The following CWF19L2 variants were observed in gnomAD, a reference collection of about 807,000 sequenced individuals.
CWF19L2 encodes CWF19 like cell cycle control factor 2.
A neutral mutation model predicts 111.7 loss-of-function variants in CWF19L2; 98 were observed. The observed-to-expected ratio is 0.88, with a 90% CI of 0.75 to 1.04. The LOEUF is 1.04. CWF19L2 is among the 50% of genes least tolerant of loss of function. The pLI is 0.00. For missense variants in CWF19L2, 1,101 were observed against 1,051.4 expected (o/e 1.05, Z -0.65); for synonymous variants, 351 against 342.9 (o/e 1.02, Z -0.26).
intron 3 of CWF19L2, among the ~76,000 whole-genome samples, chr11:107,444,477 C>T (rs1478569501): frequency 1.3e-5 from 2 of 152,214 alleles, no homozygotes; most frequent in African/African-American, 2.4e-5. Context: ...ATGAACTCTT[C>T]CTCCTTTGCT....
chr11:107,378,201 C>A (rs1243818832), intron 12 of CWF19L2, among the ~76,000 whole-genome samples: 1 of 149,652 alleles, frequency 6.7e-6, no homozygotes, highest in Non-Finnish European at 1.5e-5. Context: ...TTGTGGAAGT[C>A]AGTGTGGCGA....
At position 107,430,877 on chromosome 11, in the gene CWF19L2, C is replaced by CA. The variant is rs368167042; in HGVS notation, c.781-1427dup. 1.9e-3 allele frequency among the ~76,000 whole-genome samples: 267 copies of CA among 139,668 alleles called. 4 individuals carry two copies. Among genetic ancestry groups the CA allele is most frequent in the Middle Eastern group, 3.7e-3 (1 of 272 alleles). 91.6% of individuals were successfully genotyped at this position (139,668 alleles called of 152,430 possible). A position where few individuals can be genotyped will look rare whatever the true frequency, so the allele number is the denominator to read the frequency against. The stretch of plus-strand genomic sequence containing the variant: ...GAGTAGATTTTAGGTATTTTTACCA[C>CA]AAAAAAAAAAGGAGAATAACTACGT... On this transcript the variant is annotated intron_variant, in intron 7 of 17. Transcript: ENST00000282251.
intron 8 of CWF19L2, among the ~76,000 whole-genome samples, chr11:107,426,094 G>T (rs758171255): frequency 2.6e-5 from 4 of 151,378 alleles, no homozygotes; most frequent in Non-Finnish European, 5.9e-5. Context: ...ATTAAAGAAA[G>T]AATGAAAAAT....
chr11:107,349,350 G>A (rs1430416654), intron 13 of CWF19L2, among the ~76,000 whole-genome samples: 3 of 152,138 alleles, frequency 2.0e-5, no homozygotes, highest in Non-Finnish European at 4.4e-5. Flanking sequence ...AGAGCAGAAT[G>A]AATGACACAA....
intron 10 of CWF19L2, among the ~76,000 whole-genome samples, chr11:107,401,752 TAAAAA>T (rs1238645083): frequency 6.6e-6 from 1 of 151,964 alleles, no homozygotes; most frequent in Non-Finnish European, 1.5e-5. Flanking sequence ...TCATAGAAAC[TAAAAA>T]ATGGCCCACA....
chr11:107,450,139 C>G (rs1180007273), intron 3 of CWF19L2, among the ~76,000 whole-genome samples: 1 of 151,420 alleles, frequency 6.6e-6, no homozygotes, highest in Non-Finnish European at 1.5e-5. Flanking sequence ...TGCAGTGGCT[C>G]ACATTTGTAA....
At chr11:107,338,474 G>A (rs1859959454) in intron 14 of CWF19L2, among the ~76,000 whole-genome samples, 1 of 151,946 alleles carries the variant, frequency 6.6e-6, no homozygotes, top group African/African-American at 2.4e-5. Context: ...AGGTAAACGT[G>A]TGCCATGGTG....
intron 11 of CWF19L2, 151 bp downstream of exon 11, chr11:107,392,628 G>A: frequency 1.9e-6 from 1 of 515,864 alleles, no homozygotes; most frequent in East Asian, 3.5e-5. Context: ...ATATAACTAA[G>A]AATAAAAGTA....
chr11:107,448,370 G>A (rs1230944489), intron 3 of CWF19L2, among the ~76,000 whole-genome samples: 4 of 133,228 alleles, frequency 3.0e-5, no homozygotes, highest in Admixed American at 1.5e-4. Context: ...AAAAAAAAAG[G>A]CCAGTAAACC....
At chr11:107,393,748 T>C (rs1860882456) in intron 10 of CWF19L2, among the ~76,000 whole-genome samples, 2 of 152,114 alleles carry the variant, frequency 1.3e-5, no homozygotes, top group African/African-American at 2.4e-5. Flanking sequence ...TGGATGGAGC[T>C]AGAGGCAATT....
chr11:107,436,564 C>G (rs1861544253), intron 6 of CWF19L2, among the ~76,000 whole-genome samples: 1 of 152,088 alleles, frequency 6.6e-6, no homozygotes, highest in African/African-American at 2.4e-5. Flanking sequence ...GACCTTTGCT[C>G]CTTCATCTCT....
chr11:107,438,354 T>G (rs1174291726), intron 6 of CWF19L2, among the ~76,000 whole-genome samples: 2 of 152,254 alleles, frequency 1.3e-5, no homozygotes, highest in Admixed American at 1.3e-4. Context: ...TGTCTCCATC[T>G]GCTGGAAAAT....
chr11:107,434,530 C>T (rs1413357687), intron 6 of CWF19L2, among the ~76,000 whole-genome samples: 1 of 151,960 alleles, frequency 6.6e-6, no homozygotes, highest in Non-Finnish European at 1.5e-5. Context: ...CACACATTAA[C>T]CCCAAGACAT....
At chr11:107,453,003 T>G (rs910277753) in intron 3 of CWF19L2, among the ~76,000 whole-genome samples, 1 of 151,720 alleles carries the variant, frequency 6.6e-6, no homozygotes, top group African/African-American at 2.4e-5. Flanking sequence ...ACAAAAAAAT[T>G]TAATAATAAC....
rs946160200 is a variant in CWF19L2 at position 107,429,428 on chromosome 11, T to A, written c.804A>T (p.Lys268Asn). ...ATGCAGCTTTTTCAGCATCTTCTAA[T>A]TTTGACTGAAATATTTCCATTGACT... The part of the protein sequence containing the change: ...RYGSMEIFQS[K>N]LEDAEKAAST... Residue 268 changes from lysine to asparagine, a missense_variant, in exon 8 of 18, where the codon AAA (lysine) becomes AAT (asparagine). Lys to Asn is a moderately conservative substitution (Grantham distance 94). Coordinates refer to ENST00000282251, the MANE Select transcript of CWF19L2 (RefSeq NM_152434.3). 7.7e-6 allele frequency: 12 copies of A among 1,557,018 alleles called. No homozygotes were observed. In the East Asian group the frequency reaches 2.8e-4, roughly 36 times the overall value.
At chr11:107,417,087 T>C (rs578158259) in intron 9 of CWF19L2, among the ~76,000 whole-genome samples, 1 of 152,286 alleles carries the variant, frequency 6.6e-6, no homozygotes, top group African/African-American at 2.4e-5. Flanking sequence ...AACACAGAAA[T>C]ATCTTGTTTG....
intron 7 of CWF19L2, among the ~76,000 whole-genome samples, chr11:107,431,523 CAA>C (rs915449975): frequency 3.3e-5 from 5 of 151,776 alleles, no homozygotes; most frequent in Admixed American, 1.3e-4. Flanking sequence ...ATAAAAACTC[CAA>C]AAAGAGTCGT....
chr11:107,404,210 A>G, intron 10 of CWF19L2: 1 of 777,302 alleles, frequency 1.3e-6, no homozygotes, highest in Non-Finnish European at 2.4e-6. Flanking sequence ...ACCTTCATAA[A>G]TTCATTGTAC....
chr11:107,428,705 A>G lies in CWF19L2; in HGVS notation c.1433+94T>C, dbSNP rs73549861. On this transcript the variant is annotated intron_variant, in intron 8 of 17. Coordinates refer to ENST00000282251, the MANE Select transcript of CWF19L2 (RefSeq NM_152434.3). ...TATCAATTTTAAGAAATGTGAGATCATAGTCACAGCTAATAACTGATGTTC... is the reference window on the plus strand; with the variant it reads ...TATCAATTTTAAGAAATGTGAGATCGTAGTCACAGCTAATAACTGATGTTC... 5,630 of 968,926 alleles carry G rather than the reference A, an allele frequency of 5.8e-3. 205 individuals carry two copies. The African/African-American group carries it at 0.078, about 13-fold the overall frequency. The allele number at this position is 968,926 out of a possible 1,614,324, so 60.0% of individuals were successfully genotyped here.
Sources: allele counts gnomAD v4.1 joint callset (sites outside exome capture counted in the v4.1 genomes callset), GRCh38; gene constraint gnomAD v4.1.1; transcripts MANE v1.5; gene names NCBI Gene and HGNC (gene_info 2026-07-23, HGNC 2026-07-21).